The following CEP295 variants were observed in gnomAD, a reference collection of about 807,000 sequenced individuals.
CEP295 encodes centrosomal protein 295, also known as centrosomal protein of 295 kDa.
Under a neutral mutation model 291.6 loss-of-function variants are expected in CEP295, and 190 were observed. That is an observed-to-expected ratio of 0.65 (90% CI 0.58 to 0.73). The LOEUF (loss-of-function observed/expected upper bound fraction) is 0.73, where lower values mean the gene tolerates loss of function less well. Ranked by LOEUF, CEP295 falls within the 30% of genes least tolerant of loss-of-function variation. The probability of loss-of-function intolerance (pLI) is 0.00; values close to 1 mark genes in which losing one functional copy is unlikely to be tolerated. For synonymous variants in CEP295, 993 were observed against 1,038.8 expected (o/e 0.96, Z 0.85); for missense variants, 2,863 against 2,949.4 (o/e 0.97, Z 0.68).
At chr11:93,724,730 ACACTC>A (rs1345795867) in intron 22 of CEP295, among the ~76,000 whole-genome samples, 1 of 151,968 alleles carries the variant, frequency 6.6e-6, no homozygotes, top group African/African-American at 2.4e-5. Flanking sequence ...TCGTGCCACT[ACACTC>A]CAGTCTGGGT....
chr11:93,680,599 C>T (rs912395378), intron 7 of CEP295, among the ~76,000 whole-genome samples: 12 of 152,076 alleles, frequency 7.9e-5, no homozygotes, highest in African/African-American at 1.7e-4. Flanking sequence ...TGTCATGAGC[C>T]GAGATTGCAC....
intron 7 of CEP295, among the ~76,000 whole-genome samples, chr11:93,681,243 T>G (rs925503844): frequency 4.0e-5 from 6 of 150,936 alleles, no homozygotes; most frequent in Non-Finnish European, 7.4e-5. Flanking sequence ...TGTTGTTTTT[T>G]TTTTTTTTTT....
chr11:93,668,766 ATTC>A (rs760286426), intron 3 of CEP295, 39 bp from the exon 4 acceptor site: 117 of 1,366,698 alleles, frequency 8.6e-5, no homozygotes, highest in Non-Finnish European at 1.1e-4. Context: ...CATTTCTATT[ATTC>A]TTGTTTAACA....
At chr11:93,671,726 T>C (rs1175023671) in intron 5 of CEP295, among the ~76,000 whole-genome samples, 1 of 152,202 alleles carries the variant, frequency 6.6e-6, no homozygotes, top group African/African-American at 2.4e-5. Context: ...GATAGGATTT[T>C]AGTTTGGGAA....
chr11:93,712,025 T>G (rs1450155025), intron 18 of CEP295, among the ~76,000 whole-genome samples: 5 of 152,126 alleles, frequency 3.3e-5, no homozygotes, highest in African/African-American at 1.2e-4. Flanking sequence ...GTCTGGAAGA[T>G]CTATCCAATG....
Position 93,695,601 on chromosome 11 carries a change from A to G in CEP295, c.1638A>G (p.Glu546=). The part of the protein sequence containing the change: ...LETDCFRAQL[E]EEKRKKTQPT... ...CTGACTGCTTCAGGGCTCAGCTGGA[A>G]GAAGAAAAAAGAAAAAAAACTCAAC... is the stretch of plus-strand genomic sequence containing the variant. Residue 546 remains glutamate (E), a synonymous_variant, in exon 13 of 30, where the codon GAA becomes GAG. Transcript: ENST00000325212. The G allele has an allele frequency of 6.7e-7, 1 of 1,497,422 alleles. No individual in the cohort carries two copies. Among genetic ancestry groups the G allele is most frequent in the Non-Finnish European group, 8.8e-7 (1 of 1,131,380 alleles). The allele number at this position is 1,497,422 out of a possible 1,614,324, so 92.8% of individuals were successfully genotyped here.
At chr11:93,679,229 T>C (rs1425618661) in intron 6 of CEP295, among the ~76,000 whole-genome samples, 183 bp from the exon 7 acceptor site, 2 of 152,222 alleles carry the variant, frequency 1.3e-5, no homozygotes, top group African/African-American at 4.8e-5. Flanking sequence ...CTCGTAAAGC[T>C]TTATACTAAC....
rs184603353 is a variant in CEP295 at position 93,691,960 on chromosome 11, C to T, written c.1463C>T (p.Ala488Val). ...GAGACTCTGCCTATCACAACTGTAG[C>T]TCAGAGTTCAGTTCTACTTCATCCT... ...INETLPITTVAQSSVLLHPQE... is the reference protein window; with the variant it reads ...INETLPITTVVQSSVLLHPQE... Residue 488 changes from alanine to valine, a missense_variant, in exon 12 of 30, where the codon GCT (alanine) becomes GTT (valine). Around this residue, in one of 3 missense-constraint regions of CEP295, gnomAD observed 554 missense variants for 576.0 expected, o/e 0.96. Coordinates refer to ENST00000325212, the MANE Select transcript of CEP295 (RefSeq NM_033395.2). 9.1e-6 allele frequency: 14 copies of T among 1,545,962 alleles called. No individual in the cohort carries two copies. In the Admixed American group the frequency reaches 2.8e-4, roughly 30 times the overall value.
At chr11:93,687,963 C>A in intron 10 of CEP295, 98 bp downstream of exon 10, 1 of 746,724 alleles carries the variant, frequency 1.3e-6, no homozygotes, top group Non-Finnish European at 2.1e-6. Flanking sequence ...TTAAAAGGAA[C>A]AAAACATAAT....
chr11:93,688,121 A>G (rs1951337167), intron 10 of CEP295, among the ~76,000 whole-genome samples: 1 of 152,158 alleles, frequency 6.6e-6, no homozygotes, highest in Non-Finnish European at 1.5e-5. Flanking sequence ...TGAGATGTTC[A>G]GGCTGTTTTC....
Position 93,666,715 on chromosome 11 carries a change from G to T in CEP295, c.8G>T (p.Arg3Ile). The T allele has an allele frequency of 4.6e-6, 7 of 1,521,392 alleles. No individual in the cohort carries two copies. Among genetic ancestry groups the T allele is most frequent in the Non-Finnish European group, 6.2e-6 (7 of 1,123,042 alleles). 94.2% of individuals were successfully genotyped at this position (1,521,392 alleles called of 1,614,324 possible). The change falls in exon 2 of 30, where the codon AGA (arginine) becomes ATA (isoleucine). Residue 3 changes from arginine (R) to isoleucine (I), a missense_variant. Arg to Ile is a moderately conservative substitution (Grantham distance 97, BLOSUM62 -3). Transcript: ENST00000325212. ...TACATAAAGTACACAGAAATGAAGA[G>T]AAAAGTCGTGAATACTCACAAGCTG... MK[R>I]KVVNTHKLRL... is the part of the protein sequence containing the mutation.
chr11:93,700,955 G>A (rs1438137902), intron 15 of CEP295, among the ~76,000 whole-genome samples: 1 of 152,130 alleles, frequency 6.6e-6, no homozygotes, highest in African/African-American at 2.4e-5. Context: ...TGTAGAGCTG[G>A]ACCTGCTGCT....
chr11:93,713,273 G>C (rs980314460), intron 18 of CEP295, among the ~76,000 whole-genome samples: 6 of 152,054 alleles, frequency 3.9e-5, no homozygotes, highest in Non-Finnish European at 8.8e-5. Flanking sequence ...GTGTATTTCT[G>C]TGTACTTACT....
In CEP295 at chr11:93,682,336, G is replaced by A. The variant is rs368647456; in HGVS notation, c.766-1223G>A. ...CCTCCTGGGTTCAAGCAATTCTCCC[G>A]CCCCAGCCTCCCGAGTAGCTGGCAT... is the stretch of plus-strand genomic sequence containing the variant. On this transcript the variant is annotated intron_variant, in intron 7 of 29. Transcript: ENST00000325212. 7.2e-5 allele frequency among the ~76,000 whole-genome samples: 11 copies of A among 152,128 alleles called. 1 individual carries two copies. Among genetic ancestry groups the A allele is most frequent in the African/African-American group, 7.2e-5 (3 of 41,502 alleles).
rs2135150443 is a variant in CEP295 at position 93,702,494 on chromosome 11, C to T, written c.5309C>T (p.Thr1770Ile). The change falls in exon 16 of 30, where the codon ACC (threonine) becomes ATC (isoleucine). Residue 1770 changes from threonine to isoleucine, a missense_variant. Physicochemically the swap from Thr to Ile is moderately conservative, Grantham distance 89. Transcript: ENST00000325212. ...CCCACAGTTGAAAATGATTTAAAAA[C>T]CCAGAAGATGGGGCAGCTCAGAGAC... ...SKPTVENDLK[T>I]QKMGQLRDWF... 6.5e-7 allele frequency: 1 copy of T among 1,540,792 alleles called. No individual in the cohort carries two copies. Among genetic ancestry groups the T allele is most frequent in the African/African-American group, 1.4e-5 (1 of 72,350 alleles).
Position 93,729,932 on chromosome 11 carries a change from A to C in CEP295, c.7630A>C (p.Lys2544Gln). 2 of 1,549,666 alleles carry C rather than the reference A, an allele frequency of 1.3e-6. No homozygotes were observed. The highest frequency in any genetic ancestry group is 1.7e-6 in the Non-Finnish European group (2 of 1,146,558). The change falls in exon 28 of 30, where the codon AAG becomes CAG. Residue 2544 changes from lysine (K) to glutamine (Q), a missense_variant. Lys to Gln is a moderately conservative substitution (Grantham distance 53, BLOSUM62 1). Transcript: ENST00000325212. ...KVRASFPEDR[K>Q]TTQALRHQRG... ...CAGAGCATCTTTTCCTGAAGACAGA[A>C]AGACTACACAGGCTCTAAGGCACCA...
intron 5 of CEP295, among the ~76,000 whole-genome samples, chr11:93,674,650 C>T (rs1455692658): frequency 3.3e-5 from 5 of 152,012 alleles, no homozygotes; most frequent in African/African-American, 9.7e-5. Context: ...TTGAGAAAGC[C>T]GAGGGACAGA....
chr11:93,686,466 T>C (rs1251500222), intron 9 of CEP295, among the ~76,000 whole-genome samples: 2 of 152,224 alleles, frequency 1.3e-5, no homozygotes, highest in African/African-American at 4.8e-5. Context: ...CATTTGGTCT[T>C]ATTGGCTTGG....
At position 93,683,750 on chromosome 11, in the gene CEP295, A is replaced by G. The variant is rs1951086858; in HGVS notation, c.949+8A>G. The G allele has an allele frequency of 6.6e-7, 1 of 1,526,716 alleles. No individual in the cohort carries two copies. Among genetic ancestry groups the G allele is most frequent in the Non-Finnish European group, 8.8e-7 (1 of 1,140,308 alleles). The allele number at this position is 1,526,716 out of a possible 1,614,324, so 94.6% of individuals were successfully genotyped here. On this transcript the variant is annotated splice_region_variant and intron_variant, in intron 8 of 29. Transcript: ENST00000325212. Reference sequence around the variant, plus strand: ...TGTACAATGCAGACAGGAGTAAGATATTTTCAGTAGGGCTTTCAATAGTGA... The same window carrying G: ...TGTACAATGCAGACAGGAGTAAGATGTTTTCAGTAGGGCTTTCAATAGTGA...
Sources: allele counts gnomAD v4.1 joint callset (sites outside exome capture counted in the v4.1 genomes callset), GRCh38; gene constraint gnomAD v4.1.1; regional missense constraint gnomAD v4.1.1; transcripts MANE v1.5; gene names NCBI Gene and HGNC (gene_info 2026-07-23, HGNC 2026-07-21).